The following GTF2A2 variants were observed in gnomAD, a reference collection of about 807,000 sequenced individuals.
GTF2A2 encodes the protein transcription initiation factor IIA subunit 2.
Under a neutral mutation model 14.3 loss-of-function variants are expected in GTF2A2, and 9 were observed. The ratio of observed to expected loss-of-function variants is 0.63; its 90% CI spans 0.38 to 1.10. The LOEUF is 1.10. Among genes scored for constraint, GTF2A2 ranks in the 50% least tolerant of loss-of-function variants. GTF2A2 has a pLI of 0.01. For synonymous variants in GTF2A2, 56 were observed against 46.0 expected, an observed-to-expected ratio of 1.22 and a Z score of -0.88; for missense variants, 90 against 124.6, an observed-to-expected ratio of 0.72 and a Z score of 1.32.
chr15:59,640,310 G>A (rs1891367346), intron 4 of GTF2A2: 1 of 152,120 alleles, frequency 6.6e-6, no homozygotes, highest in Admixed American at 6.5e-5. Flanking sequence ...GCTCCTATCA[G>A]TAAAATACGT....
At chr15:59,650,974 C>G (rs1441012440) in intron 2 of GTF2A2, among the ~76,000 whole-genome samples, 1 of 152,136 alleles carries the variant, frequency 6.6e-6, no homozygotes, top group Non-Finnish European at 1.5e-5. Flanking sequence ...CACAAACAAT[C>G]TTGAAGAGAA....
rs34672716 is a variant in GTF2A2, at chr15:59,646,033, TA to T, written c.178-3772del. Reference sequence around the variant, plus strand: ...TGAGTGACAGAGTAAGGCTCCGCCTTAAAAAAAAAAAAAAAAGTGTGTATAT... The same window carrying T: ...TGAGTGACAGAGTAAGGCTCCGCCTTAAAAAAAAAAAAAAAGTGTGTATAT... On this transcript the variant is annotated intron_variant, in intron 3 of 4. Transcript: ENST00000396060. Among the ~76,000 whole-genome samples the T allele has an allele frequency of 2.7e-3, 375 of 137,952 alleles. 1 individual carries two copies. Among genetic ancestry groups the T allele is most frequent in the African/African-American group, 8.9e-3 (330 of 37,220 alleles). The allele number at this position is 137,952 out of a possible 152,430, so 90.5% of individuals were successfully genotyped here. A position where few individuals can be genotyped will look rare whatever the true frequency, so the allele number is the denominator to read the frequency against.
intron 3 of GTF2A2, among the ~76,000 whole-genome samples, chr15:59,649,817 G>T (rs556161138): frequency 9.2e-5 from 14 of 152,062 alleles, no homozygotes; most frequent in Admixed American, 2.0e-4. Flanking sequence ...TGTATCTAGA[G>T]CATGCCTGGT....
chr15:59,656,027 C>T (rs1256352887), intron 1 of GTF2A2, among the ~76,000 whole-genome samples: 1 of 152,190 alleles, frequency 6.6e-6, no homozygotes, highest in Non-Finnish European at 1.5e-5. Flanking sequence ...ACTCTAATCA[C>T]AACTCACAGC....
intron 3 of GTF2A2, among the ~76,000 whole-genome samples, chr15:59,648,396 C>A (rs1377009894): frequency 1.4e-5 from 1 of 72,462 alleles, no homozygotes. Context: ...TAACAGACTT[C>A]GTCTCAAAAA....
At chr15:59,650,354 C>A (rs1891754296) in intron 3 of GTF2A2, among the ~76,000 whole-genome samples, 1 of 152,186 alleles carries the variant, frequency 6.6e-6, no homozygotes, top group Non-Finnish European at 1.5e-5. Flanking sequence ...CCGCCACTTA[C>A]CTTTAATCCT....
At chr15:59,652,848 A>G (rs1346344784) in intron 1 of GTF2A2, 1 of 152,572 alleles carries the variant, frequency 6.6e-6, no homozygotes, top group Non-Finnish European at 1.5e-5. Context: ...ATACAAAAAG[A>G]TAAGAACTGG....
chr15:59,638,945 T>TTCATGCTGTATAATAA lies in GTF2A2; in HGVS notation c.*171_*186dup. ...TGTCCTTAAAAAAAAGTTATGGTTT[T>TTCATGCTGTATAATAA]TCATGCTGTATAATAAAGGTGATGT... is the stretch of plus-strand genomic sequence containing the variant. On this transcript the variant is annotated 3_prime_UTR_variant, in exon 5 of 5. Coordinates refer to ENST00000396060, the MANE Select transcript of GTF2A2 (RefSeq NM_004492.3). 1 of 514,260 alleles carries TTCATGCTGTATAATAA rather than the reference T, an allele frequency of 1.9e-6. No individual in the cohort carries two copies. The highest frequency in any genetic ancestry group is 3.5e-6 in the Non-Finnish European group (1 of 282,584). 31.9% of individuals were successfully genotyped at this position (514,260 alleles called of 1,614,324 possible).
intron 1 of GTF2A2, among the ~76,000 whole-genome samples, chr15:59,654,094 G>A (rs1178860680): frequency 6.6e-6 from 1 of 152,084 alleles, no homozygotes; most frequent in East Asian, 1.9e-4. Flanking sequence ...CACCCTCATA[G>A]TAGCCACACT....
rs200434004 is a variant in GTF2A2 at position 59,642,933 on chromosome 15, GTTT to G, written c.178-674_178-672del. Among the ~76,000 whole-genome samples, 472 of 151,114 alleles carry G rather than the reference GTTT, an allele frequency of 3.1e-3. 1 individual carries two copies. Among genetic ancestry groups the G allele is most frequent in the African/African-American group, 0.011 (444 of 41,148 alleles). ...AGGTGCCTGCCACCACGCCCAGCTA[GTTT>G]TTTTATTTTTAGCAGAGATGGTGTT... On this transcript the variant is annotated intron_variant, in intron 3 of 4. Transcript: ENST00000396060.
In GTF2A2 at chr15:59,639,309, G is replaced by C. The variant is rs1416034916; in HGVS notation, c.305-152C>G. The C allele has an allele frequency of 4.7e-6, 3 of 636,536 alleles. No homozygotes were observed. The East Asian group carries it at 8.2e-5, about 17-fold the overall frequency. The allele number at this position is 636,536 out of a possible 1,614,324, so 39.4% of individuals were successfully genotyped here. A position where few individuals can be genotyped will look rare whatever the true frequency, so the allele number is the denominator to read the frequency against. ...GAAGAACAGGAGGAAAGGTGACACT[G>C]TAAATATGTTGAACTTCAGTAAGTT... On this transcript the variant is annotated intron_variant, in intron 4 of 4. Coordinates refer to ENST00000396060, the MANE Select transcript of GTF2A2 (RefSeq NM_004492.3).
At chr15:59,648,034 T>G (rs1164419521) in intron 3 of GTF2A2, among the ~76,000 whole-genome samples, 6 of 152,176 alleles carry the variant, frequency 3.9e-5, no homozygotes, top group Non-Finnish European at 7.3e-5. Context: ...TTAATTACTG[T>G]TCGAGGCTCA....
intron 4 of GTF2A2, among the ~76,000 whole-genome samples, chr15:59,639,751 C>A (rs1398489481): frequency 1.3e-5 from 2 of 151,212 alleles, no homozygotes; most frequent in African/African-American, 4.9e-5. Context: ...AGCCACCGTG[C>A]CTGGCAATTT....
At chr15:59,650,605 A>T (rs1380930041) in intron 3 of GTF2A2, 64 bp downstream of exon 3, 23 of 798,354 alleles carry the variant, frequency 2.9e-5, no homozygotes, top group Non-Finnish European at 4.5e-5. Context: ...TAGGGGTCCT[A>T]AAAAAAAATC....
intron 1 of GTF2A2, among the ~76,000 whole-genome samples, chr15:59,656,046 T>C (rs1207099208): frequency 6.6e-6 from 1 of 152,168 alleles, no homozygotes; most frequent in African/African-American, 2.4e-5. Context: ...GCCAGGGTGA[T>C]CTTCTAAAAC....
rs1441918042 is a variant in GTF2A2, at chr15:59,642,167, A to G, written c.273T>C (p.Asp91=). ...CATCACAGGCTACAATTTTCACTTT[A>G]TCCACTTTAATAAGTTCTGTCACCT... The part of the protein sequence containing the change: ...FREVTELIKV[D]KVKIVACDGK... The change falls in exon 4 of 5, where the codon GAT becomes GAC. Residue 91 remains aspartate (D), a synonymous_variant. Transcript: ENST00000396060. 11 of 1,609,074 alleles carry G rather than the reference A, an allele frequency of 6.8e-6. No individual in the cohort carries two copies. Among genetic ancestry groups the G allele is most frequent in the Non-Finnish European group, 8.5e-6 (10 of 1,177,892 alleles).
At chr15:59,648,682 C>T (rs954772802) in intron 3 of GTF2A2, among the ~76,000 whole-genome samples, 20 of 151,760 alleles carry the variant, frequency 1.3e-4, no homozygotes, top group African/African-American at 4.4e-4. Flanking sequence ...AGCCTGTAAT[C>T]CCAGCACTTT....
chr15:59,642,056 T>C lies in GTF2A2; in HGVS notation c.304+80A>G, dbSNP rs953898297. ...TAGGGCCATTTTACCCGTTAGGCTT[T>C]TCATATGGATGCAGATCTTCTAAAG... On this transcript the variant is annotated intron_variant, in intron 4 of 4. Transcript: ENST00000396060. 3.8e-5 allele frequency: 50 copies of C among 1,309,676 alleles called. No individual in the cohort carries two copies. In the African/African-American group the frequency reaches 7.2e-4, roughly 19 times the overall value. 81.1% of individuals were successfully genotyped at this position (1,309,676 alleles called of 1,614,324 possible).
At chr15:59,642,421 A>T (rs1388217346) in intron 3 of GTF2A2, among the ~76,000 whole-genome samples, 159 bp from the exon 4 acceptor site, 3 of 152,128 alleles carry the variant, frequency 2.0e-5, no homozygotes, top group Non-Finnish European at 4.4e-5. Context: ...AAAAACAACC[A>T]CCAGACAAAT....
Sources: allele counts gnomAD v4.1 joint callset (sites outside exome capture counted in the v4.1 genomes callset), GRCh38; gene constraint gnomAD v4.1.1; transcripts MANE v1.5; gene names NCBI Gene and HGNC (gene_info 2026-07-23, HGNC 2026-07-21).